Variants in MACROD2 observed in about 807,000 individuals in gnomAD.
MACROD2 encodes ADP-ribose glycohydrolase MACROD2.
In MACROD2, 36 loss-of-function variants were observed where a neutral mutation model predicts 70.4. The observed-to-expected ratio is 0.51, with a 90% CI of 0.39 to 0.68. The LOEUF is 0.68. Among genes scored for constraint, MACROD2 ranks in the 30% least tolerant of loss-of-function variants. MACROD2 has a pLI of 0.00. For synonymous variants in MACROD2, 172 were observed against 178.8 expected (o/e 0.96, Z 0.30); for missense variants, 496 against 538.4 (o/e 0.92, Z 0.78).
At chr20:15,129,684 C>T (rs1468302332) in intron 5 of MACROD2, among the ~76,000 whole-genome samples, 3 of 152,074 alleles carry the variant, frequency 2.0e-5, no homozygotes, top group African/African-American at 7.2e-5. Context: ...CAACCCTTTG[C>T]TCTCTCTTAC....
chr20:14,892,903 T>C (rs1468895029), intron 5 of MACROD2: 2 of 152,206 alleles, frequency 1.3e-5, no homozygotes, highest in Admixed American at 1.3e-4. Context: ...GGTCTGGAAC[T>C]CTTAGGCTCA....
chr20:15,528,788 C>A (rs1371189253), intron 8 of MACROD2, among the ~76,000 whole-genome samples: 1 of 151,522 alleles, frequency 6.6e-6, no homozygotes, highest in Non-Finnish European at 1.5e-5. Flanking sequence ...GAAGAAGAAG[C>A]AAATGCCTGA....
At chr20:15,148,358 A>G (rs1253585254) in intron 5 of MACROD2, among the ~76,000 whole-genome samples, 1 of 152,090 alleles carries the variant, frequency 6.6e-6, no homozygotes, top group Non-Finnish European at 1.5e-5. Flanking sequence ...AAAAACAGGT[A>G]TTAAAGGACT....
At chr20:15,096,328 C>T (rs1568571137) in intron 5 of MACROD2, among the ~76,000 whole-genome samples, 1 of 151,760 alleles carries the variant, frequency 6.6e-6, no homozygotes, top group Non-Finnish European at 1.5e-5. Context: ...TCCCTTTTTC[C>T]GAATGGGCTT....
chr20:15,360,821 T>C (rs1694604565), intron 6 of MACROD2, among the ~76,000 whole-genome samples: 1 of 152,098 alleles, frequency 6.6e-6, no homozygotes, highest in East Asian at 1.9e-4. Context: ...TGCACAGTTT[T>C]TTTTTCGTGT....
At chr20:15,281,256 CT>C (rs142418673) in intron 6 of MACROD2, among the ~76,000 whole-genome samples, 24,501 of 152,168 alleles carry the variant, frequency 0.16, 2,350 homozygotes, top group Non-Finnish European at 0.22. Flanking sequence ...TATTCTGCCC[CT>C]GGCAGAATCT....
chr20:14,261,854 T>A (rs911474417), intron 3 of MACROD2, among the ~76,000 whole-genome samples: 4 of 151,106 alleles, frequency 2.6e-5, no homozygotes, highest in Non-Finnish European at 5.9e-5. Context: ...TTCTTGGGAA[T>A]TTTTGTGGGA....
intron 7 of MACROD2, among the ~76,000 whole-genome samples, chr20:15,481,783 G>C (rs969400361): frequency 1.4e-4 from 21 of 152,216 alleles, no homozygotes; most frequent in African/African-American, 5.1e-4. Context: ...ATTGCCTGCA[G>C]TTAAGAGAGA....
intron 5 of MACROD2, among the ~76,000 whole-genome samples, chr20:14,949,887 T>G (rs1291107830): frequency 6.6e-6 from 1 of 152,186 alleles, no homozygotes; most frequent in East Asian, 1.9e-4. Flanking sequence ...TTCCACTTCA[T>G]CTTTGTTTAA....
chr20:15,970,947 A>G (rs1192417116), intron 13 of MACROD2, among the ~76,000 whole-genome samples: 1 of 152,180 alleles, frequency 6.6e-6, no homozygotes, highest in East Asian at 1.9e-4. Flanking sequence ...TAAAAGTGAG[A>G]CTTGAAAGGA....
At chr20:15,610,991 CTTTTTTTTTTT>C (rs34495725) in intron 8 of MACROD2, among the ~76,000 whole-genome samples, 2,488 of 60,248 alleles carry the variant, frequency 0.041, 140 homozygotes, top group African/African-American at 0.14. Flanking sequence ...AGCCAAAAAT[CTTTTTTTTTTT>C]TTTTTTTTTT....
chr20:15,474,331 G>A (rs1286592295), intron 7 of MACROD2, among the ~76,000 whole-genome samples: 1 of 151,992 alleles, frequency 6.6e-6, no homozygotes, highest in Admixed American at 6.6e-5. Flanking sequence ...TTATCCCTTA[G>A]GATGAAATTT....
rs965457344 is a variant in MACROD2 at position 15,789,941 on chromosome 20, A to G, written c.646-72804A>G. ...ATGAATAACTATGAAAATTATATAG[A>G]AAATTATTAAAAAGGTATAGCAAAA... On this transcript the variant is annotated intron_variant, in intron 8 of 17. Coordinates refer to ENST00000684519, the MANE Select transcript of MACROD2 (RefSeq NM_001351661.2). Among the ~76,000 whole-genome samples, 3 of 152,058 alleles carry G rather than the reference A, an allele frequency of 2.0e-5. No individual in the cohort carries two copies. The South Asian group carries it at 6.2e-4, about 31-fold the overall frequency.
chr20:15,490,131 T>TTTCCTTCCTTCCTTCC (rs111772643), intron 7 of MACROD2, among the ~76,000 whole-genome samples: 10,820 of 141,720 alleles, frequency 0.076, 553 homozygotes, highest in Middle Eastern at 0.085. Context: ...CCTCTTGGCA[T>TTTCCTTCCTTCCTTCC]TTCCTTCCTT....
intron 3 of MACROD2, among the ~76,000 whole-genome samples, chr20:14,312,894 T>C (rs904370609): frequency 6.6e-6 from 1 of 152,240 alleles, no homozygotes; most frequent in Non-Finnish European, 1.5e-5. Context: ...ACCACTATCC[T>C]GTACGCCAGA....
chr20:14,484,948 T>C (rs538716643), intron 3 of MACROD2, among the ~76,000 whole-genome samples: 13 of 152,310 alleles, frequency 8.5e-5, no homozygotes, highest in Admixed American at 3.3e-4. Flanking sequence ...TTCTTTGGGG[T>C]ATACCTAGGG....
intron 6 of MACROD2, among the ~76,000 whole-genome samples, chr20:15,304,137 C>G (rs952981276): frequency 1.3e-5 from 2 of 151,948 alleles, no homozygotes; most frequent in African/African-American, 4.8e-5. Context: ...TATCTAGTAA[C>G]TTTTAAGTGC....
At chr20:15,679,920 A>C (rs1210067830) in intron 8 of MACROD2, among the ~76,000 whole-genome samples, 2 of 152,248 alleles carry the variant, frequency 1.3e-5, no homozygotes, top group Admixed American at 1.3e-4. Flanking sequence ...TTTTGGGACA[A>C]TTTATTAAGC....
chr20:16,045,259 G>T (rs1440528188), intron 17 of MACROD2, among the ~76,000 whole-genome samples: 1 of 152,150 alleles, frequency 6.6e-6, no homozygotes, highest in Non-Finnish European at 1.5e-5. Context: ...AAAAAGCCTG[G>T]TCCAGATCAT....
Sources: allele counts gnomAD v4.1 joint callset (sites outside exome capture counted in the v4.1 genomes callset), GRCh38; gene constraint gnomAD v4.1.1; transcripts MANE v1.5; gene names NCBI Gene and HGNC (gene_info 2026-07-23, HGNC 2026-07-21).